The following SCHIP1 variants were observed in gnomAD, a reference collection of about 807,000 sequenced individuals.
SCHIP1 encodes schwannomin interacting protein 1.
Under a neutral mutation model 29.7 loss-of-function variants are expected in SCHIP1, and 8 were observed. The observed-to-expected ratio is 0.27, with a 90% CI of 0.16 to 0.49. The LOEUF is 0.49. Ranked by LOEUF, SCHIP1 falls within the 20% of genes least tolerant of loss-of-function variation. The probability of loss-of-function intolerance (pLI) is 0.99; values close to 1 mark genes in which losing one functional copy is unlikely to be tolerated. For synonymous variants in SCHIP1, 76 were observed against 94.9 expected (o/e 0.80, Z 1.16); for missense variants, 193 against 294.6 (o/e 0.66, Z 2.52).
At chr3:159,488,224 G>T in the SCHIP1 span, among the ~76,000 whole-genome samples, 3 of 151,962 alleles carry the variant, frequency 2.0e-5, no homozygotes, top group Non-Finnish European at 4.4e-5. Flanking sequence ...GATGGTTAAT[G>T]GACACACAAA....
chr3:159,444,265 C>T, the SCHIP1 span, among the ~76,000 whole-genome samples: 1 of 152,066 alleles, frequency 6.6e-6, no homozygotes, highest in African/African-American at 2.4e-5. Context: ...CCACCAACTT[C>T]TCATCTGAAG....
At chr3:159,713,224 GAAAGAAAGGAAGAA>G in the SCHIP1 span, among the ~76,000 whole-genome samples, 229 of 121,522 alleles carry the variant, frequency 1.9e-3, 1 homozygote, top group African/African-American at 5.3e-3. Flanking sequence ...GAGAGAGAGA[GAAAGAAAGGAAGAA>G]AGAAAGAAAG....
At chr3:159,636,930 G>A in the SCHIP1 span, among the ~76,000 whole-genome samples, 2 of 152,310 alleles carry the variant, frequency 1.3e-5, no homozygotes, top group East Asian at 1.9e-4. Context: ...GTTGTAGTTT[G>A]TAGTTTTAGC....
chr3:159,571,638 C>T, the SCHIP1 span, among the ~76,000 whole-genome samples: 2 of 152,290 alleles, frequency 1.3e-5, no homozygotes, highest in Non-Finnish European at 2.9e-5. Flanking sequence ...ATGTTGGCCT[C>T]ATAAAATGAG....
At chr3:159,589,237 C>T in the SCHIP1 span, among the ~76,000 whole-genome samples, 57 of 152,154 alleles carry the variant, frequency 3.7e-4, no homozygotes, top group Admixed American at 2.7e-3. Context: ...ATTGTGGATG[C>T]GAGTTCACTC....
the SCHIP1 span, among the ~76,000 whole-genome samples, chr3:159,495,076 T>C: frequency 6.6e-6 from 1 of 152,206 alleles, no homozygotes; most frequent in Non-Finnish European, 1.5e-5. Flanking sequence ...CTAAAAACTC[T>C]CAATAAGTTA....
chr3:159,721,069 G>A, the SCHIP1 span, among the ~76,000 whole-genome samples: 2 of 152,084 alleles, frequency 1.3e-5, no homozygotes, highest in Non-Finnish European at 2.9e-5. Context: ...TGATATTCTA[G>A]TATTTTTCTG....
the SCHIP1 span, among the ~76,000 whole-genome samples, chr3:159,581,016 G>A: frequency 1.3e-5 from 2 of 152,252 alleles, no homozygotes; most frequent in East Asian, 3.9e-4. Context: ...CTGTCTTGGT[G>A]TATGCCTCAC....
the SCHIP1 span, among the ~76,000 whole-genome samples, chr3:159,395,061 G>A: frequency 3.9e-5 from 6 of 152,262 alleles, no homozygotes; most frequent in East Asian, 5.8e-4. Flanking sequence ...TATGTGTCGA[G>A]GAATTTATCC....
the SCHIP1 span, among the ~76,000 whole-genome samples, chr3:159,828,421 A>ATATATATACGTATATATATACG: frequency 2.1e-5 from 2 of 97,198 alleles, no homozygotes; most frequent in Non-Finnish European, 4.8e-5. Context: ...ATATATACGT[A>ATATATATACGTATATATATACG]TATATATACG....
chr3:159,837,441 G>T (rs995361823), upstream of SCHIP1, among the ~76,000 whole-genome samples: 1 of 152,146 alleles, frequency 6.6e-6, no homozygotes, highest in Middle Eastern at 3.2e-3. Context: ...CCAGAACCTT[G>T]GCTGGACACG....
chr3:159,591,486 C>T, the SCHIP1 span, among the ~76,000 whole-genome samples: 2 of 152,130 alleles, frequency 1.3e-5, no homozygotes, highest in Non-Finnish European at 2.9e-5. Context: ...TATTGCAGCA[C>T]TATTTACAAT....
the SCHIP1 span, among the ~76,000 whole-genome samples, chr3:159,335,985 C>T: frequency 1.3e-5 from 2 of 152,200 alleles, no homozygotes; most frequent in Non-Finnish European, 2.9e-5. Context: ...TTCTATTTCT[C>T]CACATGCTCT....
the SCHIP1 span, among the ~76,000 whole-genome samples, chr3:159,550,678 A>T: frequency 5.9e-5 from 9 of 152,216 alleles, no homozygotes; most frequent in South Asian, 1.7e-3. Flanking sequence ...ACCTGTTTTT[A>T]TCTCATAATT....
At chr3:159,276,982 A>G in the SCHIP1 span, among the ~76,000 whole-genome samples, 1 of 152,124 alleles carries the variant, frequency 6.6e-6, no homozygotes, top group South Asian at 2.1e-4. Flanking sequence ...TCTCATCTAC[A>G]CTTTTGGAGT....
At chr3:159,750,229 A>G in the SCHIP1 span, among the ~76,000 whole-genome samples, 12 of 150,222 alleles carry the variant, frequency 8.0e-5, no homozygotes, top group East Asian at 2.4e-3. Flanking sequence ...CACTGGTCAA[A>G]AAGCCAAATA....
the SCHIP1 span, among the ~76,000 whole-genome samples, chr3:159,516,703 A>T: frequency 7.0e-3 from 1,065 of 152,164 alleles, 15 homozygotes; most frequent in Non-Finnish European, 0.012. Flanking sequence ...TCTGACACGA[A>T]TCTTTTTTTC....
chr3:159,708,502 T>C, the SCHIP1 span, among the ~76,000 whole-genome samples: 1 of 152,176 alleles, frequency 6.6e-6, no homozygotes, highest in South Asian at 2.1e-4. Flanking sequence ...TGAATTGAAA[T>C]AGGCACGAAT....
chr3:159,517,025 G>C, the SCHIP1 span, among the ~76,000 whole-genome samples: 1 of 152,076 alleles, frequency 6.6e-6, no homozygotes, highest in Admixed American at 6.6e-5. Context: ...AACTGATGCT[G>C]ACATGAATAC....
Sources: allele counts gnomAD v4.1 joint callset (sites outside exome capture counted in the v4.1 genomes callset), GRCh38; gene constraint gnomAD v4.1.1; transcripts MANE v1.5; gene names NCBI Gene and HGNC (gene_info 2026-07-23, HGNC 2026-07-21).